NXPH1: variants seen among roughly 807,000 people sequenced by gnomAD.
The protein encoded by NXPH1 is neurexophilin 1.
NXPH1 carries 5 observed loss-of-function variants against 23.7 expected under a neutral mutation model. The observed-to-expected ratio is 0.21, with a 90% confidence interval of 0.11 to 0.44. The LOEUF is 0.44. NXPH1 is among the 20% of genes least tolerant of loss of function. The pLI, the probability that NXPH1 is intolerant of heterozygous loss-of-function variation, is 0.99. For synonymous variants in NXPH1, 144 were observed against 122.2 expected (o/e 1.18, Z -1.18); for missense variants, 324 against 321.6 (o/e 1.01, Z -0.06).
At chr7:8,738,020 G>C (rs750091641) in intron 2 of NXPH1, among the ~76,000 whole-genome samples, 3 of 152,032 alleles carry the variant, frequency 2.0e-5, no homozygotes, top group Non-Finnish European at 4.4e-5. Flanking sequence ...GGTTAATCTA[G>C]TTAGCAATTC....
intron 2 of NXPH1, among the ~76,000 whole-genome samples, chr7:8,582,813 G>A (rs1344516458): frequency 1.3e-5 from 2 of 152,158 alleles, no homozygotes; most frequent in Non-Finnish European, 2.9e-5. Context: ...GCTGTCCCTG[G>A]CTTGAAGGTG....
chr7:8,585,966 G>C (rs569445911), intron 2 of NXPH1, among the ~76,000 whole-genome samples: 3 of 152,298 alleles, frequency 2.0e-5, no homozygotes, highest in Non-Finnish European at 2.9e-5. Flanking sequence ...CCATGGGAAT[G>C]TTGGGGATAA....
chr7:8,622,663 C>G (rs1307357241), intron 2 of NXPH1, among the ~76,000 whole-genome samples: 1 of 152,106 alleles, frequency 6.6e-6, no homozygotes, highest in Admixed American at 6.6e-5. Flanking sequence ...TATGATTTGT[C>G]AACAAGTCAG....
chr7:8,474,973 T>C (rs1043222801), intron 2 of NXPH1, among the ~76,000 whole-genome samples: 2 of 152,144 alleles, frequency 1.3e-5, no homozygotes, highest in Admixed American at 1.3e-4. Flanking sequence ...CAGTCCCAGG[T>C]CTGAGAGCAG....
chr7:8,648,042 C>CT (rs1404724037), intron 2 of NXPH1, among the ~76,000 whole-genome samples: 1 of 152,010 alleles, frequency 6.6e-6, no homozygotes, highest in African/African-American at 2.4e-5. Context: ...TGGATACATA[C>CT]TAAGTGTATA....
chr7:8,647,485 A>G (rs1226354826), intron 2 of NXPH1, among the ~76,000 whole-genome samples: 3 of 151,726 alleles, frequency 2.0e-5, no homozygotes, highest in Non-Finnish European at 4.4e-5. Flanking sequence ...AAATATATAT[A>G]TTTTATATAT....
Position 8,752,006 on chromosome 7 carries a change from C to T in NXPH1, c.*237C>T. ...TTTTGAATTCACACCTGAAGACATG[C>T]TCTCACATATAGAGGTACACAAACA... On this transcript the variant is annotated 3_prime_UTR_variant, in exon 3 of 3. Transcript: ENST00000405863. The T allele has an allele frequency of 2.0e-6, 1 of 489,126 alleles. No individual in the cohort carries two copies. The highest frequency in any genetic ancestry group is 3.7e-6 in the Non-Finnish European group (1 of 271,290). The allele number at this position is 489,126 out of a possible 1,614,324, so 30.3% of individuals were successfully genotyped here.
chr7:8,580,465 A>T (rs1476223694), intron 2 of NXPH1, among the ~76,000 whole-genome samples: 1 of 152,110 alleles, frequency 6.6e-6, no homozygotes, highest in Non-Finnish European at 1.5e-5. Context: ...AGAAGCTATT[A>T]CTCTGCTTGG....
chr7:8,666,764 G>A (rs1456500088), intron 2 of NXPH1, among the ~76,000 whole-genome samples: 1 of 151,964 alleles, frequency 6.6e-6, no homozygotes, highest in Non-Finnish European at 1.5e-5. Context: ...AGTAGGTAGT[G>A]TATGTCTAGT....
chr7:8,625,104 A>C (rs995888975), intron 2 of NXPH1, among the ~76,000 whole-genome samples: 4 of 152,118 alleles, frequency 2.6e-5, no homozygotes, highest in Non-Finnish European at 4.4e-5. Flanking sequence ...AGTTGCTTTG[A>C]CTATAGAGTC....
intron 2 of NXPH1, among the ~76,000 whole-genome samples, chr7:8,500,594 C>A (rs1005706597): frequency 1.3e-5 from 2 of 152,020 alleles, no homozygotes; most frequent in Non-Finnish European, 2.9e-5. Context: ...ACACAAGACT[C>A]TTTTGTGAAG....
chr7:8,733,411 G>T (rs1313146278), intron 2 of NXPH1, among the ~76,000 whole-genome samples: 1 of 152,288 alleles, frequency 6.6e-6, no homozygotes, highest in Admixed American at 6.5e-5. Flanking sequence ...TGGGATGGCT[G>T]GGTCAAATTG....
intron 2 of NXPH1, among the ~76,000 whole-genome samples, chr7:8,635,754 T>C (rs754861674): frequency 1.1e-4 from 16 of 152,338 alleles, no homozygotes; most frequent in South Asian, 2.1e-4. Context: ...ATTTACGTCT[T>C]TAACCAATGG....
intron 2 of NXPH1, among the ~76,000 whole-genome samples, chr7:8,470,437 A>G (rs1009093365): frequency 6.6e-6 from 1 of 152,164 alleles, no homozygotes; most frequent in African/African-American, 2.4e-5. Context: ...TGCTTTGTTC[A>G]AGTTGTGGCT....
chr7:8,493,804 G>A (rs1013443336), intron 2 of NXPH1, among the ~76,000 whole-genome samples: 4 of 152,040 alleles, frequency 2.6e-5, no homozygotes, highest in South Asian at 4.1e-4. Flanking sequence ...AGTCAGATGC[G>A]ATACTTGTGA....
intron 2 of NXPH1, among the ~76,000 whole-genome samples, chr7:8,720,763 A>G (rs1437772050): frequency 6.6e-6 from 1 of 152,190 alleles, no homozygotes; most frequent in Non-Finnish European, 1.5e-5. Flanking sequence ...ACTACTAAAA[A>G]CATTGCTTCC....
chr7:8,745,204 C>A (rs1780446532), intron 2 of NXPH1, among the ~76,000 whole-genome samples: 2 of 152,106 alleles, frequency 1.3e-5, no homozygotes, highest in African/African-American at 4.8e-5. Context: ...TTTCCCCTTT[C>A]TTTATTGACA....
At chr7:8,734,528 A>AT (rs1174695622) in intron 2 of NXPH1, among the ~76,000 whole-genome samples, 5 of 151,796 alleles carry the variant, frequency 3.3e-5, no homozygotes, top group African/African-American at 1.2e-4. Flanking sequence ...TTTCCCATTT[A>AT]TTTTGTCCTC....
chr7:8,732,123 C>G (rs1225074663), intron 2 of NXPH1, among the ~76,000 whole-genome samples: 2 of 152,232 alleles, frequency 1.3e-5, no homozygotes, highest in Non-Finnish European at 2.9e-5. Context: ...ATCTGTCACC[C>G]CTTTCTTTGA....
Sources: gnomAD v4.1 joint callset for allele counts (sites outside exome capture counted in the v4.1 genomes callset) on GRCh38, gnomAD v4.1.1 for gene constraint, MANE v1.5 for transcripts, NCBI Gene and HGNC (gene_info 2026-07-23, HGNC 2026-07-21) for gene names.